PODNL1: variants seen among roughly 807,000 people sequenced by gnomAD.
The protein encoded by PODNL1 is podocan like 1.
A neutral mutation model predicts 45.1 loss-of-function variants in PODNL1; 50 were observed. The ratio of observed to expected loss-of-function variants is 1.11; its 90% CI spans 0.88 to 1.40. The LOEUF is 1.40. Ranked by LOEUF, PODNL1 falls within the 40% of genes most tolerant of loss-of-function variation. The probability of loss-of-function intolerance (pLI) is 0.00; values close to 1 mark genes in which losing one functional copy is unlikely to be tolerated. For missense variants in PODNL1, 788 were observed against 793.3 expected, an observed-to-expected ratio of 0.99 and a Z score of 0.08; for synonymous variants, 406 against 372.5, an observed-to-expected ratio of 1.09 and a Z score of -1.04.
chr19:13,935,351 G>C (rs143639526), intron 5 of PODNL1, among the ~76,000 whole-genome samples: 398 of 152,244 alleles, frequency 2.6e-3, no homozygotes, highest in African/African-American at 9.0e-3. Flanking sequence ...TTTTGAGACA[G>C]AGTCTCACTC....
chr19:13,948,364 C>A (rs1391643962), intron 1 of PODNL1, among the ~76,000 whole-genome samples: 1 of 132,188 alleles, frequency 7.6e-6, no homozygotes, highest in African/African-American at 3.3e-5. Flanking sequence ...CCACGCCCGG[C>A]TAATTTTTTT....
chr19:13,936,411 C>T lies in PODNL1; in HGVS notation c.275G>A (p.Gly92Asp), dbSNP rs972878897. The change falls in exon 3 of 10, where the codon GGC becomes GAC. Residue 92 changes from glycine (G) to aspartate (D), a missense_variant. Gly to Asp is a moderately conservative substitution (Grantham distance 94). Coordinates refer to ENST00000588872, the MANE Select transcript of PODNL1 (RefSeq NM_001370095.3). ...LPYNELSRLS[G>D]LRTLNLHNNL... is the part of the protein sequence containing the mutation. ...GTTGTGGAGGTTGAGGGTTCGCAGG[C>T]CACTGAGGCGGGACAGCTCATTGTA... is the stretch of plus-strand genomic sequence containing the variant. 2.5e-6 allele frequency: 4 copies of T among 1,613,490 alleles called. No individual in the cohort carries two copies. Among genetic ancestry groups the T allele is most frequent in the Non-Finnish European group, 3.4e-6 (4 of 1,179,734 alleles).
Position 13,937,917 on chromosome 19 carries a change from G to A in PODNL1, c.93C>T (p.Ser31=), listed in dbSNP as rs1403753652. ...EDAAFPHLGE[S]LQPLPRACPL... ...GACAGGCCCGGGGCAGGGGCTGCAA[G>A]CTCTCCCCCAGGTGGGGGAAGGCAG... Residue 31 remains serine, a synonymous_variant, in exon 2 of 10, where the codon AGC becomes AGT. Transcript: ENST00000588872. 3.2e-6 allele frequency: 5 copies of A among 1,558,694 alleles called. No individual in the cohort carries two copies. The highest frequency in any genetic ancestry group is 3.5e-6 in the Non-Finnish European group (4 of 1,151,470).
At chr19:13,948,193 C>A (rs1049451501) in intron 1 of PODNL1, among the ~76,000 whole-genome samples, 1 of 148,726 alleles carries the variant, frequency 6.7e-6, no homozygotes, top group Non-Finnish European at 1.5e-5. Flanking sequence ...ATTTTCTTTT[C>A]TTTTCTTTTC....
chr19:13,935,163 C>G (rs1397766780), intron 5 of PODNL1, among the ~76,000 whole-genome samples: 1 of 150,070 alleles, frequency 6.7e-6, no homozygotes, highest in Non-Finnish European at 1.5e-5. Context: ...TGTGTGTGTC[C>G]CTGCACATAC....
chr19:13,932,430 C>T (rs1032494514), intron 8 of PODNL1: 11 of 568,848 alleles, frequency 1.9e-5, no homozygotes, highest in Middle Eastern at 4.6e-4. Context: ...GGCCCGATCA[C>T]GGCTCATTGC....
intron 1 of PODNL1, among the ~76,000 whole-genome samples, chr19:13,951,000 G>A (rs1214470587): frequency 7.2e-6 from 1 of 138,276 alleles, no homozygotes; most frequent in Non-Finnish European, 1.5e-5. Flanking sequence ...AGTGAGTTGA[G>A]ATTGTGCCAT....
At chr19:13,944,420 C>G (rs1972752841) in intron 1 of PODNL1, among the ~76,000 whole-genome samples, 1 of 150,526 alleles carries the variant, frequency 6.6e-6, no homozygotes, top group African/African-American at 2.5e-5. Flanking sequence ...GCCTTGGCCT[C>G]CCAAAGTGCT....
intron 1 of PODNL1, among the ~76,000 whole-genome samples, chr19:13,946,623 T>C (rs1271674664): frequency 6.6e-6 from 1 of 152,124 alleles, no homozygotes; most frequent in Non-Finnish European, 1.5e-5. Context: ...CCCATCCTGT[T>C]TTATGGCCCT....
intron 1 of PODNL1, chr19:13,953,116 T>C: frequency 1.3e-6 from 2 of 1,550,168 alleles, no homozygotes; most frequent in Non-Finnish European, 1.7e-6. Context: ...GGAGTTCCAG[T>C]ACCTGGGTGG....
At chr19:13,942,639 C>A (rs1972691361), upstream of PODNL1, among the ~76,000 whole-genome samples, 1 of 152,130 alleles carries the variant, frequency 6.6e-6, no homozygotes, top group African/African-American at 2.4e-5. Flanking sequence ...GCCCCAGTGT[C>A]CAGCATGGAG....
chr19:13,934,498 AGTGT>A (rs767618376), intron 5 of PODNL1, 88 bp from the exon 6 acceptor site: 11,053 of 962,884 alleles, frequency 0.011, 30 homozygotes, highest in Non-Finnish European at 0.013. Context: ...GGTCGCCTTC[AGTGT>A]GTGTGTGTGT....
rs1599434354 is a variant in PODNL1, at chr19:13,936,443, T to C, written c.243A>G (p.Glu81=). Residue 81 remains glutamate, a synonymous_variant, in exon 3 of 10, where the codon GAA becomes GAG. Transcript: ENST00000588872. ...HLSLQNNQLQ[E]LPYNELSRLS... ...GGCGGGACAGCTCATTGTAGGGGAG[T>C]TCCTGGAGCTGGTTGTTCTGCAGGG... is the stretch of plus-strand genomic sequence containing the variant. 6.2e-7 allele frequency: 1 copy of C among 1,612,666 alleles called. No homozygotes were observed. Among genetic ancestry groups the C allele is most frequent in the African/African-American group, 1.3e-5 (1 of 74,630 alleles).
chr19:13,936,096 G>A, intron 3 of PODNL1, 52 bp from the exon 4 acceptor site: 1 of 1,451,262 alleles, frequency 6.9e-7, no homozygotes, highest in South Asian at 1.2e-5. Flanking sequence ...TTGGGTGGAG[G>A]GGGAGTCTGG....
upstream of PODNL1, among the ~76,000 whole-genome samples, chr19:13,942,738 C>T (rs1005245217): frequency 6.6e-6 from 1 of 152,046 alleles, no homozygotes; most frequent in Non-Finnish European, 1.5e-5. Context: ...AATCCCAGCA[C>T]TTTGGGAGGC....
At chr19:13,947,043 A>AC (rs1568443784) in intron 1 of PODNL1, among the ~76,000 whole-genome samples, 1 of 145,752 alleles carries the variant, frequency 6.9e-6, no homozygotes, top group Non-Finnish European at 1.5e-5. Context: ...AAAAAAAAAA[A>AC]CACAAAAAAA....
At position 13,936,434 on chromosome 19, in the gene PODNL1, G is replaced by T. The variant is rs751634625; in HGVS notation, c.252C>A (p.Tyr84Ter). 6 of 1,613,454 alleles carry T rather than the reference G, an allele frequency of 3.7e-6. No individual in the cohort carries two copies. In the South Asian group the frequency reaches 5.5e-5, roughly 15 times the overall value. Residue 84 changes from tyrosine to a stop codon, truncating the protein, a stop_gained, in exon 3 of 10, where the codon TAC (tyrosine) becomes TAA (stop). Transcript: ENST00000588872. LOFTEE classifies it high-confidence loss of function. Reference protein sequence around the residue: ...LQNNQLQELPYNELSRLSGLR... With the variant: ...LQNNQLQELP ...GGCCACTGAGGCGGGACAGCTCATT[G>T]TAGGGGAGTTCCTGGAGCTGGTTGT...
chr19:13,932,604 C>A, intron 8 of PODNL1, 194 bp downstream of exon 8: 1 of 1,441,552 alleles, frequency 6.9e-7, no homozygotes, highest in Non-Finnish European at 9.4e-7. Flanking sequence ...GATTCTCCTG[C>A]CTTGGCTCCC....
Position 13,933,755 on chromosome 19 carries a change from A to G in PODNL1, c.767+123T>C. On this transcript the variant is annotated intron_variant, in intron 7 of 9. Coordinates refer to ENST00000588872, the MANE Select transcript of PODNL1 (RefSeq NM_001370095.3). The surrounding 1 kb of genome is among the most constrained non-coding windows in gnomAD (Gnocchi z 5.2). ...ACCTACCCAGTGCTCTGCCGAGCCC[A>G]GTGAGCAGCAGGCACTCAGTAAATG... 1.2e-6 allele frequency: 1 copy of G among 846,180 alleles called. No individual in the cohort carries two copies. Among genetic ancestry groups the G allele is most frequent in the Non-Finnish European group, 1.9e-6 (1 of 530,548 alleles). The allele number at this position is 846,180 out of a possible 1,614,324, so 52.4% of individuals were successfully genotyped here.
Sources: allele counts gnomAD v4.1 joint callset (sites outside exome capture counted in the v4.1 genomes callset), GRCh38; gene constraint gnomAD v4.1.1; non-coding constraint Gnocchi (gnomAD v3.1); transcripts MANE v1.5; gene names NCBI Gene and HGNC (gene_info 2026-07-23, HGNC 2026-07-21).